CSMD1: variants seen among roughly 807,000 people sequenced by gnomAD.
CSMD1 encodes CUB and sushi domain-containing protein 1.
In CSMD1, 213 loss-of-function variants were observed where a neutral mutation model predicts 417.5. The ratio of observed to expected loss-of-function variants is 0.51; its 90% CI spans 0.46 to 0.57. The LOEUF is 0.57. Among genes scored for constraint, CSMD1 ranks in the 20% least tolerant of loss-of-function variants. CSMD1 has a pLI of 0.00. For synonymous variants in CSMD1, 2,862 were observed against 1,736.8 expected (o/e 1.65, Z -16.11); for missense variants, 6,923 against 4,529.7 (o/e 1.53, Z -15.17).
At chr8:4,232,283 C>T (rs551391849) in intron 3 of CSMD1, among the ~76,000 whole-genome samples, 2 of 152,186 alleles carry the variant, frequency 1.3e-5, no homozygotes, top group African/African-American at 2.4e-5. Flanking sequence ...ACTGCAACCT[C>T]CGCCTCCCAG....
intron 3 of CSMD1, among the ~76,000 whole-genome samples, chr8:4,131,431 C>T (rs191277820): frequency 2.8e-4 from 43 of 152,242 alleles, no homozygotes; most frequent in African/African-American, 1.0e-3. Context: ...CTCTCAACTA[C>T]CCCTGAGGTC....
At chr8:3,023,954 TAG>T (rs1809653256) in intron 51 of CSMD1, among the ~76,000 whole-genome samples, 1 of 151,326 alleles carries the variant, frequency 6.6e-6, no homozygotes, top group South Asian at 2.1e-4. Context: ...CAACAGAACA[TAG>T]AGAGTGACAC....
chr8:3,797,039 G>C (rs1025026184), intron 5 of CSMD1, among the ~76,000 whole-genome samples: 2 of 151,812 alleles, frequency 1.3e-5, no homozygotes, highest in Admixed American at 6.6e-5. Context: ...AAATATATCA[G>C]CACATACGTG....
intron 27 of CSMD1, among the ~76,000 whole-genome samples, chr8:3,228,769 T>C (rs988516000): frequency 2.7e-5 from 4 of 150,914 alleles, no homozygotes; most frequent in Non-Finnish European, 5.9e-5. Context: ...CCTAAAAACA[T>C]GCAAAATGGA....
intron 5 of CSMD1, among the ~76,000 whole-genome samples, chr8:3,933,945 G>A (rs1431091837): frequency 6.6e-6 from 1 of 152,036 alleles, no homozygotes; most frequent in Non-Finnish European, 1.5e-5. Flanking sequence ...ACCAGCCAGG[G>A]ACCTAGGCAG....
At chr8:3,832,040 T>G (rs748523329) in intron 5 of CSMD1, among the ~76,000 whole-genome samples, 2 of 152,200 alleles carry the variant, frequency 1.3e-5, no homozygotes, top group Non-Finnish European at 2.9e-5. Context: ...TGCGTTGCTC[T>G]TATCACTGTT....
At chr8:3,496,490 G>C (rs1413801750) in intron 10 of CSMD1, among the ~76,000 whole-genome samples, 2 of 152,118 alleles carry the variant, frequency 1.3e-5, no homozygotes, top group South Asian at 4.1e-4. Flanking sequence ...TTTTGATATA[G>C]GTGTTTAATG....
intron 18 of CSMD1, among the ~76,000 whole-genome samples, chr8:3,384,204 T>C (rs1288403715): frequency 6.6e-6 from 1 of 152,168 alleles, no homozygotes; most frequent in African/African-American, 2.4e-5. Context: ...GTAGACATCT[T>C]TAAAAAATGG....
At chr8:4,605,345 T>A (rs562123604) in intron 2 of CSMD1, among the ~76,000 whole-genome samples, 187 of 152,288 alleles carry the variant, frequency 1.2e-3, no homozygotes, top group African/African-American at 4.4e-3. Context: ...CCAAAATGAA[T>A]TATCTATGAG....
chr8:2,983,125 GA>G (rs1805566638), intron 54 of CSMD1, among the ~76,000 whole-genome samples: 1 of 152,200 alleles, frequency 6.6e-6, no homozygotes, highest in African/African-American at 2.4e-5. Context: ...GTTGTTCTCA[GA>G]AAAACTTTTT....
At chr8:4,149,487 T>C (rs1182701635) in intron 3 of CSMD1, among the ~76,000 whole-genome samples, 1 of 152,358 alleles carries the variant, frequency 6.6e-6, no homozygotes, top group East Asian at 1.9e-4. Context: ...AGGATTACTC[T>C]ATCTGGAATC....
chr8:4,229,738 T>C (rs977113158), intron 3 of CSMD1, among the ~76,000 whole-genome samples: 2 of 152,128 alleles, frequency 1.3e-5, no homozygotes, highest in Non-Finnish European at 2.9e-5. Flanking sequence ...TCCTCTGCCG[T>C]CCTGCTTCTA....
At chr8:4,788,511 A>G in intron 1 of CSMD1, 1 of 1,395,390 alleles carries the variant, frequency 7.2e-7, no homozygotes, top group Non-Finnish European at 1.0e-6. Context: ...GTATGGAGCA[A>G]ACTGTGAGCA....
intron 3 of CSMD1, among the ~76,000 whole-genome samples, chr8:4,204,871 G>C (rs1799883725): frequency 1.3e-5 from 2 of 152,138 alleles, no homozygotes; most frequent in South Asian, 4.2e-4. Context: ...ATATTCCCCA[G>C]GCTGGTCCTG....
chr8:3,128,719 T>G, intron 41 of CSMD1: 1 of 367,804 alleles, frequency 2.7e-6, no homozygotes, highest in Non-Finnish European at 5.3e-6. Context: ...ATTCATGTTC[T>G]CATTTATTTG....
chr8:4,003,407 C>CA (rs201194875), intron 4 of CSMD1, among the ~76,000 whole-genome samples: 1,987 of 118,044 alleles, frequency 0.017, 50 homozygotes, highest in African/African-American at 0.056. Flanking sequence ...AACAAACAAA[C>CA]AAAAAAACAA....
chr8:4,379,403 G>A (rs529773615), intron 3 of CSMD1, among the ~76,000 whole-genome samples: 1 of 152,266 alleles, frequency 6.6e-6, no homozygotes, highest in South Asian at 2.1e-4. Context: ...AAGTGACAGT[G>A]GCAAACCTGG....
rs1390063346 is a variant in CSMD1, at chr8:3,523,020, C to T, written c.1345-29294G>A. ...AGATACATATATACACACACCCACA[C>T]ACACACACACACACACACACTACTC... On this transcript the variant is annotated intron_variant, in intron 10 of 69. Coordinates refer to ENST00000635120, the MANE Select transcript of CSMD1 (RefSeq NM_033225.6). 1.4e-3 allele frequency among the ~76,000 whole-genome samples: 195 copies of T among 141,882 alleles called. 1 individual carries two copies. Among genetic ancestry groups the T allele is most frequent in the African/African-American group, 4.3e-3 (171 of 39,988 alleles). 93.1% of individuals were successfully genotyped at this position (141,882 alleles called of 152,430 possible). A position where few individuals can be genotyped will look rare whatever the true frequency, so the allele number is the denominator to read the frequency against.
At chr8:3,109,771 C>G (rs995543089) in intron 43 of CSMD1, among the ~76,000 whole-genome samples, 2 of 151,526 alleles carry the variant, frequency 1.3e-5, no homozygotes, top group African/African-American at 2.4e-5. Context: ...ACAACATACA[C>G]AACACACACA....
Sources: gnomAD v4.1 joint callset for allele counts (sites outside exome capture counted in the v4.1 genomes callset) on GRCh38, gnomAD v4.1.1 for gene constraint, MANE v1.5 for transcripts, NCBI Gene and HGNC (gene_info 2026-07-23, HGNC 2026-07-21) for gene names.